The following LOXL3 variants were observed in gnomAD, a reference collection of about 807,000 sequenced individuals.
LOXL3 encodes lysyl oxidase homolog 3.
Under a neutral mutation model 91.8 loss-of-function variants are expected in LOXL3, and 60 were observed. The observed-to-expected ratio is 0.65, with a 90% CI of 0.53 to 0.81. The LOEUF (loss-of-function observed/expected upper bound fraction) is 0.81. Ranked by LOEUF, LOXL3 falls within the 30% of genes least tolerant of loss-of-function variation. The pLI, the probability that LOXL3 is intolerant of heterozygous loss-of-function variation, is 0.00. For missense variants in LOXL3, 874 were observed against 1,000.4 expected (o/e 0.87, Z 1.70); for synonymous variants, 355 against 387.6 (o/e 0.92, Z 0.99).
Position 74,532,592 on chromosome 2 carries a change from C to T in LOXL3, c.*1014G>A. ...GGATGGGGAGAATGCCTGGGTTTGG[C>T]TAATAGGGTGATCTGTGTACTTTCA... is the stretch of plus-strand genomic sequence containing the variant. On this transcript the variant is annotated 3_prime_UTR_variant, in exon 14 of 14. Transcript: ENST00000264094. 1.3e-6 allele frequency: 2 copies of T among 1,596,894 alleles called. No homozygotes were observed. The highest frequency in any genetic ancestry group is 1.1e-5 in the South Asian group (1 of 90,318).
intron 4 of LOXL3, among the ~76,000 whole-genome samples, chr2:74,545,769 C>G (rs1372259437): frequency 6.6e-6 from 1 of 152,154 alleles, no homozygotes; most frequent in Admixed American, 6.5e-5. Flanking sequence ...AATATTTAGT[C>G]TCCCCAAGGT....
chr2:74,533,740 T>C, intron 13 of LOXL3, 61 bp from the exon 14 acceptor site: 1 of 1,536,442 alleles, frequency 6.5e-7, no homozygotes. Context: ...ATAGATGCAC[T>C]GTGGAGAAGG....
At position 74,533,944 on chromosome 2, in the gene LOXL3, T is replaced by C. The variant is rs2104387139; in HGVS notation, c.2126A>G (p.Asn709Ser). ...ATATTTGCAGTTACATTTCATTGCA[T>C]TGTTGGTAAAGTCACTCTCTGCTAC... ...FEVAESDFTN[N>S]AMKCNCKYDG... The change falls in exon 13 of 14, where the codon AAT becomes AGT. Residue 709 changes from asparagine (N) to serine (S), a missense_variant. Transcript: ENST00000264094. The C allele has an allele frequency of 3.7e-6, 6 of 1,614,174 alleles. No homozygotes were observed. The highest frequency in any genetic ancestry group is 5.1e-6 in the Non-Finnish European group (6 of 1,180,022).
chr2:74,541,156 G>A (rs1676305036), intron 4 of LOXL3, among the ~76,000 whole-genome samples: 1 of 152,108 alleles, frequency 6.6e-6, no homozygotes, highest in Non-Finnish European at 1.5e-5. Context: ...AACTACTTAT[G>A]TAGCATTTAC....
At position 74,532,272 on chromosome 2, in the gene LOXL3, G is replaced by A. The variant is rs1675666293; in HGVS notation, c.*1334C>T. ...AGCCAACCTGATTTCCTACTCCCATGTTTTTTATTTATGCTGTTCTTGTTT... is the reference window on the plus strand; with the variant it reads ...AGCCAACCTGATTTCCTACTCCCATATTTTTTATTTATGCTGTTCTTGTTT... On this transcript the variant is annotated 3_prime_UTR_variant, in exon 14 of 14. Transcript: ENST00000264094. The A allele has an allele frequency of 4.2e-6, 2 of 480,424 alleles. No individual in the cohort carries two copies. The highest frequency in any genetic ancestry group is 4.1e-5 in the East Asian group (1 of 24,244). The allele number at this position is 480,424 out of a possible 1,614,324, so 29.8% of individuals were successfully genotyped here. A position where few individuals can be genotyped will look rare whatever the true frequency, so the allele number is the denominator to read the frequency against.
chr2:74,552,485 G>A lies in LOXL3; in HGVS notation c.150C>T (p.Pro50=). The A allele has an allele frequency of 6.2e-7, 1 of 1,613,542 alleles. No individual in the cohort carries two copies. ...CCACGCGGCCCTCGTAGGGCTTCCTGGGGAAGCCAGCCAGCCGGAACCGAA... is the reference window on the plus strand; with the variant it reads ...CCACGCGGCCCTCGTAGGGCTTCCTAGGGAAGCCAGCCAGCCGGAACCGAA... ...QGLRFRLAGF[P]RKPYEGRVEI... Residue 50 remains proline, a synonymous_variant, in exon 2 of 14, where the codon CCC becomes CCT. Coordinates refer to ENST00000264094, the MANE Select transcript of LOXL3 (RefSeq NM_032603.5).
At chr2:74,547,842 A>G (rs949726141) in intron 4 of LOXL3, among the ~76,000 whole-genome samples, 2 of 152,182 alleles carry the variant, frequency 1.3e-5, no homozygotes, top group African/African-American at 4.8e-5. Flanking sequence ...AACTACTATG[A>G]TTTTCTTTTT....
At position 74,533,568 on chromosome 2, in the gene LOXL3, A is replaced by G; in HGVS notation, c.*38T>C. ...GTAATGGCAGCCTCAGACCCCTGCC[A>G]TTAGGGGCCAGTGGTGGTTTGCAGA... is the stretch of plus-strand genomic sequence containing the variant. On this transcript the variant is annotated 3_prime_UTR_variant, in exon 14 of 14. Transcript: ENST00000264094. 1 of 1,596,390 alleles carries G rather than the reference A, an allele frequency of 6.3e-7. No homozygotes were observed. The highest frequency in any genetic ancestry group is 8.6e-7 in the Non-Finnish European group (1 of 1,164,934).
At position 74,549,262 on chromosome 2, in the gene LOXL3, C is replaced by T. The variant is rs980269566; in HGVS notation, c.692+107G>A. ...CTCCATATTTTCCCGCGCGTCCCGA[C>T]CCCCGGGTCCTCCCGTGCCCCGGAC... On this transcript the variant is annotated intron_variant, in intron 4 of 13. Coordinates refer to ENST00000264094, the MANE Select transcript of LOXL3 (RefSeq NM_032603.5). The surrounding 1 kb of genome is among the most constrained non-coding windows in gnomAD (Gnocchi z 5.3). 24 of 1,288,384 alleles carry T rather than the reference C, an allele frequency of 1.9e-5. No homozygotes were observed. Among genetic ancestry groups the T allele is most frequent in the Non-Finnish European group, 2.4e-5 (23 of 973,666 alleles). The allele number at this position is 1,288,384 out of a possible 1,614,324, so 79.8% of individuals were successfully genotyped here. A position where few individuals can be genotyped will look rare whatever the true frequency, so the allele number is the denominator to read the frequency against.
chr2:74,534,907 C>T (rs1675907018), intron 9 of LOXL3, 133 bp from the exon 10 acceptor site: 2 of 1,070,562 alleles, frequency 1.9e-6, no homozygotes, highest in Non-Finnish European at 2.7e-6. Context: ...GAGATGGAGT[C>T]TCACTCTGTT....
Position 74,533,288 on chromosome 2 carries a change from G to A in LOXL3, c.*318C>T. 1 of 535,056 alleles carries A rather than the reference G, an allele frequency of 1.9e-6. No homozygotes were observed. The highest frequency in any genetic ancestry group is 3.3e-6 in the Non-Finnish European group (1 of 301,142). The allele number at this position is 535,056 out of a possible 1,614,324, so 33.1% of individuals were successfully genotyped here. A position where few individuals can be genotyped will look rare whatever the true frequency, so the allele number is the denominator to read the frequency against. On this transcript the variant is annotated 3_prime_UTR_variant, in exon 14 of 14. Coordinates refer to ENST00000264094, the MANE Select transcript of LOXL3 (RefSeq NM_032603.5). ...GGGAGATACTGGAGCTGACCATCCT[G>A]ACCTCCTATTAAAGAAAATGAGCTG...
At chr2:74,543,627 C>T (rs1189426991) in intron 4 of LOXL3, among the ~76,000 whole-genome samples, 4 of 151,870 alleles carry the variant, frequency 2.6e-5, no homozygotes, top group African/African-American at 9.7e-5. Context: ...TAGCTGTAAT[C>T]CCAGCACTTT....
In LOXL3 at chr2:74,535,368, CT is replaced by C. The variant is rs1372698977; in HGVS notation, c.1502del (p.Gln501ArgfsTer184). ...RCTGTELSLD[Q>X]CAHHGTHITC... The stretch of plus-strand genomic sequence containing the variant: ...TGATGTGGGTGCCATGATGGGCACA[CT>C]GATCCAGGGACAGCTCAGTCCCTGT... On this transcript the variant is annotated frameshift_variant, in exon 9 of 14. Transcript: ENST00000264094. LOFTEE classifies it high-confidence loss of function. This position sits in a 1 kb window ranked among gnomAD's most constrained non-coding sequence, Gnocchi z 4.2. 1.9e-6 allele frequency: 3 copies of C among 1,613,994 alleles called. No individual in the cohort carries two copies. The African/African-American group carries it at 4.0e-5, about 22-fold the overall frequency.
chr2:74,543,900 C>CAAAAAAA (rs960168777), intron 4 of LOXL3, among the ~76,000 whole-genome samples: 9 of 65,136 alleles, frequency 1.4e-4, no homozygotes, highest in African/African-American at 4.3e-4. Flanking sequence ...GGCTCTGTCT[C>CAAAAAAA]AAAAAAAAAA....
chr2:74,534,696 T>C lies in LOXL3; in HGVS notation c.1658A>G (p.Tyr553Cys). 6.2e-7 allele frequency: 1 copy of C among 1,614,168 alleles called. No homozygotes were observed. The highest frequency in any genetic ancestry group is 2.2e-5 in the East Asian group (1 of 44,878). The change falls in exon 10 of 14, where the codon TAC becomes TGC. Residue 553 changes from tyrosine (Y) to cysteine (C), a missense_variant. Physicochemically the swap from Tyr to Cys is radical, Grantham distance 194 (BLOSUM62 -2). Transcript: ENST00000264094. The part of the protein sequence containing the change: ...YIEDRPLHML[Y>C]CAAEENCLAS... ...CAGGCAGTTCTCTTCCGCAGCACAG[T>C]ACAACATATGCAGGGGCCGGTCTTC... is the stretch of plus-strand genomic sequence containing the variant.
chr2:74,535,558 A>T lies in LOXL3; in HGVS notation c.1416+30T>A. The T allele has an allele frequency of 6.2e-7, 1 of 1,613,066 alleles. No homozygotes were observed. Among genetic ancestry groups the T allele is most frequent in the Non-Finnish European group, 8.5e-7 (1 of 1,179,958 alleles). On this transcript the variant is annotated intron_variant, in intron 8 of 13. Transcript: ENST00000264094. The surrounding 1 kb of genome is among the most constrained non-coding windows in gnomAD (Gnocchi z 4.2). ...CCCAAAACACAGGCTTTGAGACAACAGCCTCGGCTCCCCTTTCCTTCCCAC... is the reference window on the plus strand; with the variant it reads ...CCCAAAACACAGGCTTTGAGACAACTGCCTCGGCTCCCCTTTCCTTCCCAC...
At position 74,533,279 on chromosome 2, in the gene LOXL3, G is replaced by A. The variant is rs1675759022; in HGVS notation, c.*327C>T. ...TAAACTTAGGGGAGATACTGGAGCT[G>A]ACCATCCTGACCTCCTATTAAAGAA... On this transcript the variant is annotated 3_prime_UTR_variant, in exon 14 of 14. Coordinates refer to ENST00000264094, the MANE Select transcript of LOXL3 (RefSeq NM_032603.5). 1.9e-6 allele frequency: 1 copy of A among 535,204 alleles called. No homozygotes were observed. Among genetic ancestry groups the A allele is most frequent in the Non-Finnish European group, 3.3e-6 (1 of 300,888 alleles). The allele number at this position is 535,204 out of a possible 1,614,324, so 33.2% of individuals were successfully genotyped here.
Position 74,549,081 on chromosome 2 carries a change from G to T in LOXL3, c.692+288C>A, listed in dbSNP as rs1676807874. On this transcript the variant is annotated intron_variant, in intron 4 of 13. Coordinates refer to ENST00000264094, the MANE Select transcript of LOXL3 (RefSeq NM_032603.5). The surrounding 1 kb of genome is among the most constrained non-coding windows in gnomAD (Gnocchi z 5.3). ...CCCCCGCGCCTGGGAGTGGCCTCGC[G>T]AGGCCGGCGCGCGCCCCGGGGCCGA... 2 of 272,722 alleles carry T rather than the reference G, an allele frequency of 7.3e-6. No homozygotes were observed. Among genetic ancestry groups the T allele is most frequent in the Non-Finnish European group, 1.4e-5 (2 of 146,320 alleles). 16.9% of individuals were successfully genotyped at this position (272,722 alleles called of 1,614,324 possible). A position where few individuals can be genotyped will look rare whatever the true frequency, so the allele number is the denominator to read the frequency against.
At chr2:74,538,494 C>T (rs537847342) in intron 4 of LOXL3, among the ~76,000 whole-genome samples, 1 of 152,314 alleles carries the variant, frequency 6.6e-6, no homozygotes, top group East Asian at 1.9e-4. Flanking sequence ...TTTTAATGTG[C>T]AAACTGCCTT....
Sources: allele counts gnomAD v4.1 joint callset (sites outside exome capture counted in the v4.1 genomes callset), GRCh38; gene constraint gnomAD v4.1.1; non-coding constraint Gnocchi (gnomAD v3.1); transcripts MANE v1.5; gene names NCBI Gene and HGNC (gene_info 2026-07-23, HGNC 2026-07-21).